The following CACNA1B variants were observed in gnomAD, a reference collection of about 807,000 sequenced individuals.
CACNA1B encodes the protein voltage-dependent N-type calcium channel subunit alpha-1B.
In CACNA1B, 70 loss-of-function variants were observed where a neutral mutation model predicts 247.2. The ratio of observed to expected loss-of-function variants is 0.28; its 90% confidence interval spans 0.23 to 0.35. The LOEUF is 0.35. Among genes scored for constraint, CACNA1B ranks in the 10% least tolerant of loss-of-function variants. The probability of loss-of-function intolerance (pLI) is 1.00; values close to 1 mark genes in which losing one functional copy is unlikely to be tolerated. For synonymous variants in CACNA1B, 1,231 were observed against 1,294.4 expected (o/e 0.95, Z 1.05); for missense variants, 2,367 against 3,197.4 (o/e 0.74, Z 6.26).
chr9:138,007,109 T>G lies in CACNA1B; in HGVS notation c.2092+225T>G, dbSNP rs554171987. Among the ~76,000 whole-genome samples, 2 of 149,724 alleles carry G rather than the reference T, an allele frequency of 1.3e-5. No individual in the cohort carries two copies. The highest frequency in any genetic ancestry group is 4.9e-5 in the African/African-American group (2 of 40,702). Reference sequence around the variant, plus strand: ...GCATGAGCTGCTGCGTGTGGGGGTATCCAGAGGTGGGGGTGGGTGCGGCCA... The same window carrying G: ...GCATGAGCTGCTGCGTGTGGGGGTAGCCAGAGGTGGGGGTGGGTGCGGCCA... On this transcript the variant is annotated intron_variant, in intron 16 of 46. Coordinates refer to ENST00000371372, the MANE Select transcript of CACNA1B (RefSeq NM_000718.4). This position sits in a 1 kb window ranked among gnomAD's most constrained non-coding sequence, Gnocchi z 4.1.
intron 37 of CACNA1B, among the ~76,000 whole-genome samples, chr9:138,101,863 G>T (rs1001432359): frequency 6.6e-6 from 1 of 152,238 alleles, no homozygotes; most frequent in Non-Finnish European, 1.5e-5. Context: ...CCACAGGCAG[G>T]TGTCCCAGGG....
Position 138,034,834 on chromosome 9 carries a change from T to C in CACNA1B, c.3287-8940T>C, listed in dbSNP as rs529621307. On this transcript the variant is annotated intron_variant, in intron 20 of 46. Coordinates refer to ENST00000371372, the MANE Select transcript of CACNA1B (RefSeq NM_000718.4). The stretch of plus-strand genomic sequence containing the variant: ...GTTTTACTTTCCCCACTTTCTGTTA[T>C]CTGAGGTCCACTGTGGTCTGAAAAT... 3.9e-5 allele frequency among the ~76,000 whole-genome samples: 6 copies of C among 152,322 alleles called. No homozygotes were observed. In the East Asian group the frequency reaches 1.2e-3, roughly 29 times the overall value.
chr9:137,906,014 C>T (rs1425246778), intron 3 of CACNA1B, among the ~76,000 whole-genome samples: 1 of 152,222 alleles, frequency 6.6e-6, no homozygotes, highest in South Asian at 2.1e-4. Flanking sequence ...GGCCTCTCCA[C>T]TCAAATGCTG....
intron 3 of CACNA1B, among the ~76,000 whole-genome samples, chr9:137,883,549 C>A (rs1316092109): frequency 6.7e-6 from 1 of 149,768 alleles, no homozygotes; most frequent in African/African-American, 2.5e-5. Context: ...TGCACCCCAC[C>A]CTCCAGGGTG....
At chr9:137,972,030 G>C (rs987001241) in intron 11 of CACNA1B, among the ~76,000 whole-genome samples, 3 of 152,124 alleles carry the variant, frequency 2.0e-5, no homozygotes, top group Non-Finnish European at 4.4e-5. Context: ...GGGTTCCTGA[G>C]GGGGGAGTCC....
chr9:137,898,402 T>C (rs1957195138), intron 3 of CACNA1B, among the ~76,000 whole-genome samples: 1 of 152,226 alleles, frequency 6.6e-6, no homozygotes, highest in African/African-American at 2.4e-5. Flanking sequence ...TGAGTACTTT[T>C]TCAGTCCTGC....
At chr9:137,995,813 CTCAAA>C (rs769788068) in intron 15 of CACNA1B, among the ~76,000 whole-genome samples, 2 of 152,130 alleles carry the variant, frequency 1.3e-5, no homozygotes, top group African/African-American at 2.4e-5. Context: ...CTGCAAAGAA[CTCAAA>C]TCAGCAAGAA....
In CACNA1B at chr9:138,062,359, A is replaced by G. The variant is rs150301067; in HGVS notation, c.4668+2622A>G. Among the ~76,000 whole-genome samples the G allele has an allele frequency of 1.4e-3, 216 of 152,282 alleles. 2 individuals carry two copies. Among genetic ancestry groups the G allele is most frequent in the African/African-American group, 5.1e-3 (212 of 41,550 alleles). ...TGCGTTTCCCCCTAAGTTGTAGTGA[A>G]TCCCCATGAAGTGATGGCGGGAGTG... On this transcript the variant is annotated intron_variant, in intron 31 of 46. Coordinates refer to ENST00000371372, the MANE Select transcript of CACNA1B (RefSeq NM_000718.4).
At chr9:138,068,755 A>G in intron 31 of CACNA1B, 1 of 434,606 alleles carries the variant, frequency 2.3e-6, no homozygotes, top group South Asian at 1.7e-5. Flanking sequence ...GAGAGGGCAC[A>G]AAGTGGAGGG....
chr9:137,978,754 A>T (rs1958259074), intron 12 of CACNA1B, among the ~76,000 whole-genome samples: 1 of 152,196 alleles, frequency 6.6e-6, no homozygotes, highest in Admixed American at 6.5e-5. Flanking sequence ...TTTACTGATG[A>T]TAACGGCAGA....
intron 36 of CACNA1B, among the ~76,000 whole-genome samples, chr9:138,090,617 G>T (rs548387804): frequency 2.4e-4 from 33 of 138,624 alleles, no homozygotes; most frequent in African/African-American, 8.7e-4. Context: ...GTGACAACTT[G>T]CAGAATCAGA....
rs1957424123 is a variant in CACNA1B at position 137,917,386 on chromosome 9, G to T, written c.921G>T (p.Val307=). Residue 307 remains valine (V), a synonymous_variant, in exon 6 of 47, where the codon GTG becomes GTT. Coordinates refer to ENST00000371372, the MANE Select transcript of CACNA1B (RefSeq NM_000718.4). The surrounding 1 kb of genome is among the most constrained non-coding windows in gnomAD (Gnocchi z 5.5). The part of the protein sequence containing the change: ...FDNILFAILT[V]FQCITMEGWT... ...ATATCCTGTTTGCCATCTTGACGGT[G>T]TTCCAGTGCATCACCATGGAGGGCT... 3 of 1,614,002 alleles carry T rather than the reference G, an allele frequency of 1.9e-6. No individual in the cohort carries two copies. In the African/African-American group the frequency reaches 4.0e-5, roughly 22 times the overall value.
In CACNA1B at chr9:138,052,238, G is replaced by A. The variant is rs202166580; in HGVS notation, c.3807+50G>A. 1.8e-5 allele frequency: 17 copies of A among 947,998 alleles called. No homozygotes were observed. Among genetic ancestry groups the A allele is most frequent in the Non-Finnish European group, 2.6e-5 (16 of 604,778 alleles). 58.7% of individuals were successfully genotyped at this position (947,998 alleles called of 1,614,324 possible). A position where few individuals can be genotyped will look rare whatever the true frequency, so the allele number is the denominator to read the frequency against. ...AGGGATGTGCTGTGTGTGTGTGCGT[G>A]TGTGTGTGTGCGTGTGTGTGTGTGT... On this transcript the variant is annotated intron_variant, in intron 25 of 46. Transcript: ENST00000371372. The surrounding 1 kb of genome is among the most constrained non-coding windows in gnomAD (Gnocchi z 5.1).
intron 39 of CACNA1B, among the ~76,000 whole-genome samples, chr9:138,108,850 C>T (rs1047768305): frequency 6.6e-6 from 1 of 152,166 alleles, no homozygotes. Context: ...AGGGTTTCAC[C>T]GTGTTAGCCA....
rs761182755 is a variant in CACNA1B, at chr9:137,986,858, A to G, written c.1974+4A>G. On this transcript the variant is annotated splice_donor_region_variant and intron_variant, in intron 15 of 46. Coordinates refer to ENST00000371372, the MANE Select transcript of CACNA1B (RefSeq NM_000718.4). The surrounding 1 kb of genome is among the most constrained non-coding windows in gnomAD (Gnocchi z 6.0). The stretch of plus-strand genomic sequence containing the variant: ...CGCCATCCTCACTGTCTTCCAGGTA[A>G]GGCACCTGCTCTGCACATTTGCGGC... The G allele has an allele frequency of 1.9e-6, 3 of 1,612,288 alleles. No individual in the cohort carries two copies. Among genetic ancestry groups the G allele is most frequent in the Non-Finnish European group, 1.7e-6 (2 of 1,178,376 alleles).
rs1959615090 is a variant in CACNA1B at position 138,058,946 on chromosome 9, G to C, written c.4474-133G>C. The C allele has an allele frequency of 2.8e-6, 2 of 713,062 alleles. No homozygotes were observed. Among genetic ancestry groups the C allele is most frequent in the Non-Finnish European group, 4.9e-6 (2 of 405,386 alleles). 44.2% of individuals were successfully genotyped at this position (713,062 alleles called of 1,614,324 possible). A position where few individuals can be genotyped will look rare whatever the true frequency, so the allele number is the denominator to read the frequency against. ...GGGAGGTTCTGGGAGGACTCGGGGA[G>C]AGCAGGAAGGGGTGTCCCAGGCCTA... On this transcript the variant is annotated intron_variant, in intron 29 of 46. Transcript: ENST00000371372. This position sits in a 1 kb window ranked among gnomAD's most constrained non-coding sequence, Gnocchi z 4.7.
At chr9:137,996,570 G>C (rs890672010) in intron 15 of CACNA1B, among the ~76,000 whole-genome samples, 3 of 152,036 alleles carry the variant, frequency 2.0e-5, no homozygotes, top group African/African-American at 7.3e-5. Context: ...TGGGTGATGG[G>C]TGCACCAAAA....
chr9:137,883,193 G>A (rs1167046451), intron 3 of CACNA1B, among the ~76,000 whole-genome samples: 8 of 151,948 alleles, frequency 5.3e-5, no homozygotes, highest in Non-Finnish European at 8.8e-5. Flanking sequence ...CCAGCATGGT[G>A]CCTGTTGGAG....
At chr9:138,021,016 G>A (rs192990120) in intron 18 of CACNA1B, among the ~76,000 whole-genome samples, 4 of 152,330 alleles carry the variant, frequency 2.6e-5, no homozygotes, top group South Asian at 2.1e-4. Flanking sequence ...GGCCCCTCTC[G>A]GGCACTGGAG....
Sources: allele counts gnomAD v4.1 joint callset (sites outside exome capture counted in the v4.1 genomes callset), GRCh38; gene constraint gnomAD v4.1.1; non-coding constraint Gnocchi (gnomAD v3.1); transcripts MANE v1.5; gene names NCBI Gene and HGNC (gene_info 2026-07-23, HGNC 2026-07-21).